Variants in ZAN observed in about 807,000 individuals in gnomAD.
ZAN encodes the protein zonadhesin (gene/pseudogene).
ZAN carries 260 observed loss-of-function variants against 286.2 expected under a neutral mutation model. The observed-to-expected ratio is 0.91, with a 90% CI of 0.82 to 1.01. The LOEUF is 1.01. Among genes scored for constraint, ZAN ranks in the 50% least tolerant of loss-of-function variants. ZAN has a pLI of 0.00. For synonymous variants in ZAN, 1,368 were observed against 1,417.5 expected (o/e 0.97, Z 0.79); for missense variants, 3,410 against 3,639.2 (o/e 0.94, Z 1.62).
In ZAN at chr7:100,736,822, G is replaced by A. The variant is rs1169219464; in HGVS notation, c.267G>A (p.Leu89=). The A allele has an allele frequency of 1.4e-6, 2 of 1,479,214 alleles. 1 individual carries two copies. Among genetic ancestry groups the A allele is most frequent in the Non-Finnish European group, 1.8e-6 (2 of 1,085,718 alleles). The allele number at this position is 1,479,214 out of a possible 1,614,324, so 91.6% of individuals were successfully genotyped here. Reference sequence around the variant, plus strand: ...TGCCTCCCCCAGAGGGCAGCTATCTGCATATGGAATCGAACAGCTTCCACC... The same window carrying A: ...TGCCTCCCCCAGAGGGCAGCTATCTACATATGGAATCGAACAGCTTCCACC... The part of the protein sequence containing the change: ...GGYPNGEGSY[L]HMESNSFHRG... Residue 89 remains leucine (L), a synonymous_variant, in exon 5 of 48, where the codon CTG becomes CTA. Transcript: ENST00000613979.
At position 100,777,459 on chromosome 7, in the gene ZAN, A is replaced by G. The variant is rs144408433; in HGVS notation, c.6317+895A>G. On this transcript the variant is annotated intron_variant, in intron 34 of 47. Coordinates refer to ENST00000613979, the MANE Select transcript of ZAN (RefSeq NM_003386.3). Reference sequence around the variant, plus strand: ...AACCTCTGCTTCCGGGGTTCAAGCAATTCTCGTGCCTCAACCTCCCGAGTA... The same window carrying G: ...AACCTCTGCTTCCGGGGTTCAAGCAGTTCTCGTGCCTCAACCTCCCGAGTA... Among the ~76,000 whole-genome samples the G allele has an allele frequency of 9.6e-3, 1,455 of 152,068 alleles. 15 individuals are homozygous for G. Among genetic ancestry groups the G allele is most frequent in the East Asian group, 0.031 (162 of 5,164 alleles).
chr7:100,775,976 C>T (rs923259777), intron 33 of ZAN, 143 bp downstream of exon 33: 2 of 1,134,030 alleles, frequency 1.8e-6, no homozygotes, highest in Non-Finnish European at 2.5e-6. Context: ...AGGAGTGCGC[C>T]TTTCTGTGTA....
chr7:100,796,345 A>G (rs1352308592), intron 45 of ZAN, among the ~76,000 whole-genome samples: 2 of 151,462 alleles, frequency 1.3e-5, no homozygotes, highest in Non-Finnish European at 2.9e-5. Context: ...AGACGGGGTA[A>G]CTTGTGTACA....
chr7:100,775,979 T>A, intron 33 of ZAN, 146 bp downstream of exon 33: 1 of 1,106,904 alleles, frequency 9.0e-7, no homozygotes, highest in Non-Finnish European at 1.3e-6. Context: ...AGTGCGCCTT[T>A]CTGTGTAGGG....
Position 100,765,201 on chromosome 7 carries a change from G to C in ZAN, c.4268-151G>C, listed in dbSNP as rs1390007686. 5 of 903,776 alleles carry C rather than the reference G, an allele frequency of 5.5e-6. No individual in the cohort carries two copies. In the Admixed American group the frequency reaches 7.9e-5, roughly 14 times the overall value. The allele number at this position is 903,776 out of a possible 1,614,324, so 56.0% of individuals were successfully genotyped here. ...CCTGCAGCCCCAGGGAGCCAGCCAG[G>C]CTCCTTGGGGAAGCTTCTCACAGTC... On this transcript the variant is annotated intron_variant, in intron 22 of 47. Transcript: ENST00000613979.
intron 31 of ZAN, among the ~76,000 whole-genome samples, chr7:100,774,074 A>C (rs1276675914): frequency 6.6e-6 from 1 of 152,122 alleles, no homozygotes; most frequent in African/African-American, 2.4e-5. Context: ...AGCGGCCACC[A>C]ACTTAGATGG....
intron 7 of ZAN, 113 bp downstream of exon 7, chr7:100,738,726 T>C: frequency 8.4e-7 from 1 of 1,183,658 alleles, no homozygotes; most frequent in Non-Finnish European, 1.2e-6. Flanking sequence ...TCTTACCAGC[T>C]CAAGTTTCAC....
At chr7:100,772,149 A>G in intron 29 of ZAN, 129 bp downstream of exon 29, 2 of 1,200,570 alleles carry the variant, frequency 1.7e-6, no homozygotes, top group East Asian at 2.6e-5. Flanking sequence ...GCTGGAGTGC[A>G]GTGGCGCAAT....
rs377138537 is a variant in ZAN, at chr7:100,767,106, G to A, written c.4709G>A (p.Arg1570Gln). 24 of 1,613,818 alleles carry A rather than the reference G, an allele frequency of 1.5e-5. No homozygotes were observed. The highest frequency in any genetic ancestry group is 3.3e-5 in the Admixed American group (2 of 59,960). Residue 1570 changes from arginine to glutamine, a missense_variant, in exon 25 of 48, where the codon CGG (arginine) becomes CAG (glutamine). Arg to Gln is a conservative substitution (Grantham distance 43, BLOSUM62 1). Coordinates refer to ENST00000613979, the MANE Select transcript of ZAN (RefSeq NM_003386.3). Reference protein sequence around the residue: ...FMGTCTYVLTRPCWSRSQDSY... With the variant: ...FMGTCTYVLTQPCWSRSQDSY... ...GGCACCTGCACCTATGTCCTGACCC[G>A]GCCTTGCTGGTCCAGGTCCCAAGAC...
intron 35 of ZAN, 129 bp from the exon 36 acceptor site, chr7:100,784,494 A>G: frequency 1.2e-6 from 1 of 859,300 alleles, no homozygotes; most frequent in Non-Finnish European, 1.8e-6. Context: ...TGCTGAATGA[A>G]TAACAAAAGA....
In ZAN at chr7:100,751,100, G is replaced by A. The variant is rs1808630164; in HGVS notation, c.1522-82G>A. The A allele has an allele frequency of 2.9e-6, 4 of 1,361,442 alleles. 1 individual carries two copies. The South Asian group carries it at 5.8e-5, about 20-fold the overall frequency. The allele number at this position is 1,361,442 out of a possible 1,614,324, so 84.3% of individuals were successfully genotyped here. ...CAAGGCGACATTTTGGCAGAGAACA[G>A]ATTCTATGCCCAGTGGAATCACAGA... On this transcript the variant is annotated intron_variant, in intron 12 of 47. Coordinates refer to ENST00000613979, the MANE Select transcript of ZAN (RefSeq NM_003386.3).
chr7:100,783,551 T>A (rs1811326739), intron 35 of ZAN, among the ~76,000 whole-genome samples: 1 of 149,508 alleles, frequency 6.7e-6, no homozygotes, highest in Non-Finnish European at 1.5e-5. Flanking sequence ...CTGGCCAACA[T>A]GGTGAAACCC....
chr7:100,788,032 G>A lies in ZAN; in HGVS notation c.7123G>A (p.Gly2375Arg). 6.4e-7 allele frequency: 1 copy of A among 1,569,682 alleles called. No homozygotes were observed. The highest frequency in any genetic ancestry group is 8.7e-7 in the Non-Finnish European group (1 of 1,149,718). The change falls in exon 38 of 48, where the codon GGA (glycine) becomes AGA (arginine). Residue 2375 changes from glycine (G) to arginine (R), a missense_variant. By Grantham distance (125) the Gly-to-Arg change is moderately radical (BLOSUM62 -2). Around this residue, in one of 7 missense-constraint regions of ZAN, gnomAD observed 1,289 missense variants for 1,314.3 expected, o/e 0.98. Coordinates refer to ENST00000613979, the MANE Select transcript of ZAN (RefSeq NM_003386.3). The part of the protein sequence containing the change: ...PEGVEPLLVE[G>R]RNKMDPPRSS... ...GGGGGTGGAGCCCCTCCTCGTGGAA[G>A]GACGCAACAAGATGGATCCGCCCAG... is the stretch of plus-strand genomic sequence containing the variant.
intron 28 of ZAN, among the ~76,000 whole-genome samples, chr7:100,771,635 A>C (rs1260201724): frequency 3.3e-5 from 5 of 151,692 alleles, no homozygotes; most frequent in African/African-American, 4.8e-5. Flanking sequence ...TTTCACCATG[A>C]TGGTCAGGCT....
chr7:100,792,198 G>C, intron 41 of ZAN, 50 bp downstream of exon 41: 1 of 1,530,924 alleles, frequency 6.5e-7, no homozygotes, highest in Non-Finnish European at 8.8e-7. Context: ...GCCTGCTCTG[G>C]TCTTTCCCTG....
chr7:100,795,231 G>C lies in ZAN; in HGVS notation c.8161G>C (p.Gly2721Arg), dbSNP rs369009637. The change falls in exon 45 of 48, where the codon GGG becomes CGG. Residue 2721 changes from glycine to arginine, a missense_variant. Transcript: ENST00000613979. ...TCTGCAGAACCCCTGTCAGAATGAC[G>C]GGCAGTGTCGGGAGCAGGGAGCCAC... ...PCLQNPCQND[G>R]QCREQGATFT... 1.2e-6 allele frequency: 2 copies of C among 1,610,960 alleles called. No homozygotes were observed. The highest frequency in any genetic ancestry group is 2.2e-5 in the East Asian group (1 of 44,572).
chr7:100,759,983 G>A (rs1809438833), intron 18 of ZAN, 138 bp downstream of exon 18: 5 of 1,360,088 alleles, frequency 3.7e-6, no homozygotes, highest in Non-Finnish European at 4.9e-6. Context: ...GGAGGCTAAA[G>A]TGGGAGGATT....
intron 19 of ZAN, among the ~76,000 whole-genome samples, chr7:100,761,832 G>T (rs13232024): frequency 1.3e-5 from 2 of 150,910 alleles, no homozygotes; most frequent in African/African-American, 4.9e-5. Context: ...CCAGCTACTC[G>T]GAAGGCTGAG....
In ZAN at chr7:100,752,838, A is replaced by G. The variant is rs781455833; in HGVS notation, c.2733A>G (p.Glu911=). 6.2e-7 allele frequency: 1 copy of G among 1,602,258 alleles called. No individual in the cohort carries two copies. Among genetic ancestry groups the G allele is most frequent in the Admixed American group, 1.7e-5 (1 of 59,000 alleles). The part of the protein sequence containing the change: ...IPTEKPTISP[E]KPTISTEKPT... Reference sequence around the variant, plus strand: ...CAGAAAAACCCACCATCTCCCCAGAAAAACCCACCATCTCCACGGAAAAAC... The same window carrying G: ...CAGAAAAACCCACCATCTCCCCAGAGAAACCCACCATCTCCACGGAAAAAC... Residue 911 remains glutamate (E), a synonymous_variant, in exon 14 of 48, where the codon GAA becomes GAG. Transcript: ENST00000613979.
Sources: gnomAD v4.1 joint callset for allele counts (sites outside exome capture counted in the v4.1 genomes callset) on GRCh38, gnomAD v4.1.1 for gene constraint, gnomAD v4.1.1 regional missense constraint, MANE v1.5 for transcripts, NCBI Gene and HGNC (gene_info 2026-07-23, HGNC 2026-07-21) for gene names.